The following ULK4 variants were observed in gnomAD, a reference collection of about 807,000 sequenced individuals.
ULK4 encodes the protein unc-51 like kinase 4, also known as inactive serine/threonine-protein kinase ULK4.
A neutral mutation model predicts 160.6 loss-of-function variants in ULK4; 133 were observed. The ratio of observed to expected loss-of-function variants is 0.83; its 90% confidence interval spans 0.72 to 0.96. ULK4 has a LOEUF of 0.96. ULK4 is among the 40% of genes least tolerant of loss of function. The pLI, the probability that ULK4 is intolerant of heterozygous loss-of-function variation, is 0.00. For synonymous variants in ULK4, 534 were observed against 539.8 expected, an observed-to-expected ratio of 0.99 and a Z score of 0.15; for missense variants, 1,580 against 1,499.5, an observed-to-expected ratio of 1.05 and a Z score of -0.89.
intron 35 of ULK4, among the ~76,000 whole-genome samples, chr3:41,283,538 A>G (rs557337478): frequency 6.6e-6 from 1 of 152,288 alleles, no homozygotes; most frequent in South Asian, 2.1e-4. Flanking sequence ...TCAGCAAACT[A>G]TCGCAAGGAC....
intron 33 of ULK4, among the ~76,000 whole-genome samples, chr3:41,456,201 C>T (rs946779491): frequency 1.3e-5 from 2 of 152,162 alleles, no homozygotes; most frequent in Admixed American, 6.5e-5. Context: ...TGAGCCACCG[C>T]GCCCAGCCAA....
intron 30 of ULK4, among the ~76,000 whole-genome samples, chr3:41,662,113 C>T (rs1049597568): frequency 1.3e-5 from 2 of 152,162 alleles, no homozygotes; most frequent in African/African-American, 2.4e-5. Context: ...TTTTATGCAA[C>T]TTCTAATACA....
At chr3:41,741,745 C>T (rs2038245470) in intron 22 of ULK4, among the ~76,000 whole-genome samples, 1 of 151,872 alleles carries the variant, frequency 6.6e-6, no homozygotes, top group Non-Finnish European at 1.5e-5. Flanking sequence ...TAAGTACTAT[C>T]CCACCAACTC....
At chr3:41,631,260 C>A (rs760471195) in intron 30 of ULK4, among the ~76,000 whole-genome samples, 7 of 152,110 alleles carry the variant, frequency 4.6e-5, no homozygotes, top group Non-Finnish European at 7.4e-5. Context: ...ATTTCAGCAG[C>A]GTTAGTATAA....
chr3:41,790,309 G>C (rs1363379840), intron 20 of ULK4, among the ~76,000 whole-genome samples: 1 of 152,138 alleles, frequency 6.6e-6, no homozygotes, highest in African/African-American at 2.4e-5. Flanking sequence ...TCATTTTATA[G>C]ATGATAAAAC....
intron 34 of ULK4, among the ~76,000 whole-genome samples, chr3:41,441,257 C>T (rs1559603901): frequency 6.6e-6 from 1 of 152,138 alleles, no homozygotes; most frequent in East Asian, 1.9e-4. Context: ...AGACCTTTCC[C>T]AAACTTTTCT....
chr3:41,442,534 T>C (rs2083198531), intron 34 of ULK4, among the ~76,000 whole-genome samples: 1 of 152,208 alleles, frequency 6.6e-6, no homozygotes, highest in Non-Finnish European at 1.5e-5. Flanking sequence ...AAAATAATCT[T>C]AATAATGAAT....
rs1553664758 is a variant in ULK4, at chr3:41,431,547, C to CTTTTTT, written c.3492+23944_3492+23949dup. Among the ~76,000 whole-genome samples the CTTTTTT allele has an allele frequency of 1.8e-4, 17 of 95,868 alleles. 1 individual carries two copies. Among genetic ancestry groups the CTTTTTT allele is most frequent in the Non-Finnish European group, 2.2e-4 (11 of 49,616 alleles). 62.9% of individuals were successfully genotyped at this position (95,868 alleles called of 152,430 possible). On this transcript the variant is annotated intron_variant, in intron 34 of 36. Transcript: ENST00000301831. ...CCTGTGAGGTGTTGTAATTCCCTCC[C>CTTTTTT]TTTTTTTTTTTTTTTGATGTGGAAA...
intron 27 of ULK4, among the ~76,000 whole-genome samples, chr3:41,703,408 T>G (rs955693047): frequency 1.3e-5 from 2 of 152,084 alleles, no homozygotes; most frequent in Admixed American, 6.5e-5. Context: ...GACATTTAAG[T>G]ACATATATAT....
At chr3:41,410,588 T>G (rs1446000561) in intron 34 of ULK4, among the ~76,000 whole-genome samples, 1 of 152,184 alleles carries the variant, frequency 6.6e-6, no homozygotes, top group Non-Finnish European at 1.5e-5. Context: ...TGGAATTAGA[T>G]AATGGTTGCA....
Position 41,860,860 on chromosome 3 carries a change from C to T in ULK4, c.1656+23014G>A, listed in dbSNP as rs575257701. On this transcript the variant is annotated intron_variant, in intron 17 of 36. Transcript: ENST00000301831. Reference sequence around the variant, plus strand: ...TCTGGGGATATGATTTAGTTTCTTGCTTTTTATTTTTTGTGTATCCACTAT... The same window carrying T: ...TCTGGGGATATGATTTAGTTTCTTGTTTTTTATTTTTTGTGTATCCACTAT... Among the ~76,000 whole-genome samples, 3 of 152,060 alleles carry T rather than the reference C, an allele frequency of 2.0e-5. No homozygotes were observed. The East Asian group carries it at 5.8e-4, about 29-fold the overall frequency.
intron 19 of ULK4, among the ~76,000 whole-genome samples, chr3:41,816,127 C>T (rs2040956113): frequency 6.6e-6 from 1 of 151,664 alleles, no homozygotes; most frequent in African/African-American, 2.4e-5. Context: ...CTTATATATA[C>T]ATATTATATA....
chr3:41,783,563 G>T (rs76966288), intron 21 of ULK4, among the ~76,000 whole-genome samples: 1 of 151,544 alleles, frequency 6.6e-6, no homozygotes, highest in Non-Finnish European at 1.5e-5. Context: ...AGGGAGAGAT[G>T]GGGTCTTATC....
At position 41,461,711 on chromosome 3, in the gene ULK4, T is replaced by C. The variant is rs1034755925; in HGVS notation, c.3393+1376A>G. Among the ~76,000 whole-genome samples, 6 of 152,164 alleles carry C rather than the reference T, an allele frequency of 3.9e-5. No individual in the cohort carries two copies. In the East Asian group the frequency reaches 9.6e-4, roughly 24 times the overall value. On this transcript the variant is annotated intron_variant, in intron 33 of 36. Coordinates refer to ENST00000301831, the MANE Select transcript of ULK4 (RefSeq NM_017886.4). ...CCCTGAATATCTACCTAATCACTTGTAGTAAAAAAAAGAATTTCTATTATC... is the reference window on the plus strand; with the variant it reads ...CCCTGAATATCTACCTAATCACTTGCAGTAAAAAAAAGAATTTCTATTATC...
chr3:41,336,796 C>T (rs1219920485), intron 35 of ULK4, among the ~76,000 whole-genome samples: 4 of 152,058 alleles, frequency 2.6e-5, no homozygotes, highest in Non-Finnish European at 5.9e-5. Context: ...AATCAACGCT[C>T]GCTGTGTATC....
chr3:41,596,988 T>G, intron 31 of ULK4, among the ~76,000 whole-genome samples: 1 of 152,108 alleles, frequency 6.6e-6, no homozygotes, highest in East Asian at 1.9e-4. Context: ...GCTCTAGATA[T>G]AGGTGCCATC....
At chr3:41,676,252 T>C (rs574957624) in intron 29 of ULK4, among the ~76,000 whole-genome samples, 139 of 152,326 alleles carry the variant, frequency 9.1e-4, no homozygotes, top group African/African-American at 3.2e-3. Context: ...TCTAAAGTTA[T>C]ATAAAAGTTT....
At chr3:41,411,710 G>C (rs1042775161) in intron 34 of ULK4, among the ~76,000 whole-genome samples, 2 of 152,006 alleles carry the variant, frequency 1.3e-5, no homozygotes, top group Non-Finnish European at 2.9e-5. Context: ...TGTGATTAAC[G>C]GCATGAGCCA....
intron 19 of ULK4, among the ~76,000 whole-genome samples, chr3:41,815,601 A>T (rs1273035711): frequency 1.3e-5 from 2 of 152,034 alleles, no homozygotes; most frequent in Non-Finnish European, 2.9e-5. Flanking sequence ...CCCTCCTGCA[A>T]CCTGCACTCC....
Sources: allele counts gnomAD v4.1 joint callset (sites outside exome capture counted in the v4.1 genomes callset), GRCh38; gene constraint gnomAD v4.1.1; transcripts MANE v1.5; gene names NCBI Gene and HGNC (gene_info 2026-07-23, HGNC 2026-07-21).